The following PITPNA variants were observed in gnomAD, a reference collection of about 807,000 sequenced individuals.
PITPNA encodes the protein phosphatidylinositol transfer protein alpha isoform.
Under a neutral mutation model 50.3 loss-of-function variants are expected in PITPNA, and 13 were observed. The ratio of observed to expected loss-of-function variants is 0.26; its 90% CI spans 0.17 to 0.41. PITPNA has a LOEUF of 0.41. Among genes scored for constraint, PITPNA ranks in the 10% least tolerant of loss-of-function variants. The pLI, the probability that PITPNA is intolerant of heterozygous loss-of-function variation, is 1.00. For synonymous variants in PITPNA, 120 were observed against 119.6 expected (o/e 1.00, Z -0.02); for missense variants, 207 against 333.4 (o/e 0.62, Z 2.95).
chr17:1,531,447 G>A (rs2075582649), intron 10 of PITPNA, among the ~76,000 whole-genome samples: 1 of 152,048 alleles, frequency 6.6e-6, no homozygotes, highest in Admixed American at 6.6e-5. Context: ...GGAGAATGGC[G>A]TGAACCAGGG....
In PITPNA at chr17:1,547,862, T is replaced by C. The variant is rs534789962; in HGVS notation, c.289+434A>G. On this transcript the variant is annotated intron_variant, in intron 4 of 11. Transcript: ENST00000313486. ...ACAAAAAATTAGCCAGGCGTGGCGGTATGCGCCTGTAGTCCCAGCTACTCG... is the reference window on the plus strand; with the variant it reads ...ACAAAAAATTAGCCAGGCGTGGCGGCATGCGCCTGTAGTCCCAGCTACTCG... 1.7e-4 allele frequency among the ~76,000 whole-genome samples: 26 copies of C among 151,788 alleles called. No homozygotes were observed. In the East Asian group the frequency reaches 4.3e-3, roughly 25 times the overall value.
chr17:1,524,343 CTTTT>C (rs398041515), intron 10 of PITPNA, among the ~76,000 whole-genome samples: 15,925 of 120,860 alleles, frequency 0.13, 912 homozygotes, highest in Middle Eastern at 0.16. Flanking sequence ...CGCACCTGGC[CTTTT>C]TTTTTTTTTT....
At position 1,534,088 on chromosome 17, in the gene PITPNA, C is replaced by T. The variant is rs1291554387; in HGVS notation, c.768+11G>A. ...TTTATCTAATTGAGAGCCCCCAGAG[C>T]CCCCACTTACTTCATCCAGCTGTCT... On this transcript the variant is annotated intron_variant, in intron 10 of 11. Transcript: ENST00000313486. 3 of 1,613,528 alleles carry T rather than the reference C, an allele frequency of 1.9e-6. No individual in the cohort carries two copies. The African/African-American group carries it at 4.0e-5, about 22-fold the overall frequency.
chr17:1,553,200 T>C, intron 2 of PITPNA, 51 bp from the exon 3 acceptor site: 2 of 1,598,906 alleles, frequency 1.3e-6, no homozygotes, highest in Non-Finnish European at 1.7e-6. Flanking sequence ...TCTCAACGGT[T>C]ACACGTAATC....
At chr17:1,526,160 G>C (rs1417429250) in intron 10 of PITPNA, among the ~76,000 whole-genome samples, 2 of 152,220 alleles carry the variant, frequency 1.3e-5, no homozygotes, top group Non-Finnish European at 2.9e-5. Context: ...ACACAGAATA[G>C]GATAAAAAGA....
chr17:1,534,328 C>A (rs1161485472), intron 9 of PITPNA, 107 bp from the exon 10 acceptor site: 4 of 1,397,190 alleles, frequency 2.9e-6, no homozygotes, highest in African/African-American at 1.4e-5. Context: ...TGGGGACGGG[C>A]GGACAGGAGG....
intron 3 of PITPNA, among the ~76,000 whole-genome samples, chr17:1,550,402 G>A (rs1175410197): frequency 6.6e-6 from 1 of 152,246 alleles, no homozygotes; most frequent in Non-Finnish European, 1.5e-5. Context: ...AATGAGTGGG[G>A]CTAAGCTAAG....
In PITPNA at chr17:1,535,170, C is replaced by T. The variant is rs1351331510; in HGVS notation, c.645+12G>A. On this transcript the variant is annotated intron_variant, in intron 9 of 11. Coordinates refer to ENST00000313486, the MANE Select transcript of PITPNA (RefSeq NM_006224.4). ...ACGCAGTCACTGGGAAGGCCTCAGC[C>T]GAGCTACTTACCTTATGGATGAAGT... 8.4e-6 allele frequency: 13 copies of T among 1,554,908 alleles called. No homozygotes were observed. The highest frequency in any genetic ancestry group is 6.7e-5 in the East Asian group (3 of 44,652).
chr17:1,523,505 CTTTT>C (rs11401118), intron 10 of PITPNA, among the ~76,000 whole-genome samples: 8 of 117,398 alleles, frequency 6.8e-5, no homozygotes, highest in Admixed American at 1.8e-4. Context: ...CCACGCCTGG[CTTTT>C]TTTTTTTTTT....
chr17:1,548,667 CA>C (rs2075691618), intron 3 of PITPNA, among the ~76,000 whole-genome samples: 1 of 152,170 alleles, frequency 6.6e-6, no homozygotes, highest in African/African-American at 2.4e-5. Context: ...ATCAGCATTA[CA>C]CATTTTTCCA....
At chr17:1,544,599 A>G (rs1046181007) in intron 4 of PITPNA, among the ~76,000 whole-genome samples, 10 of 152,236 alleles carry the variant, frequency 6.6e-5, no homozygotes, top group African/African-American at 2.4e-4. Context: ...AATCTTTTGC[A>G]GTGGGAGAGC....
intron 10 of PITPNA, among the ~76,000 whole-genome samples, chr17:1,532,301 T>C (rs947525544): frequency 1.3e-5 from 2 of 151,998 alleles, no homozygotes; most frequent in African/African-American, 2.4e-5. Context: ...GTTGGCCAAG[T>C]TGGTCTCAGA....
intron 2 of PITPNA, among the ~76,000 whole-genome samples, chr17:1,556,915 GA>G (rs1302988707): frequency 2.0e-5 from 3 of 152,228 alleles, no homozygotes; most frequent in Admixed American, 2.0e-4. Context: ...ACAACAGAGT[GA>G]GACCCTATCT....
At chr17:1,544,462 C>T (rs4790589) in intron 4 of PITPNA, among the ~76,000 whole-genome samples, 48,624 of 151,970 alleles carry the variant, frequency 0.32, 7,988 homozygotes, top group East Asian at 0.53. Flanking sequence ...CCTTTTCATG[C>T]AAACTTGGGT....
At chr17:1,546,639 A>G (rs2075676093) in intron 4 of PITPNA, among the ~76,000 whole-genome samples, 1 of 152,040 alleles carries the variant, frequency 6.6e-6, no homozygotes, top group Non-Finnish European at 1.5e-5. Context: ...GGTGGGAGGA[A>G]AGGTCACCTA....
At chr17:1,539,765 C>G (rs1311109578) in intron 6 of PITPNA, among the ~76,000 whole-genome samples, 1 of 152,260 alleles carries the variant, frequency 6.6e-6, no homozygotes, top group Non-Finnish European at 1.5e-5. Flanking sequence ...GAGATGGAGT[C>G]TTGCTGCGAC....
chr17:1,551,573 G>C (rs562012638), intron 3 of PITPNA, among the ~76,000 whole-genome samples: 1 of 152,134 alleles, frequency 6.6e-6, no homozygotes, highest in Non-Finnish European at 1.5e-5. Flanking sequence ...GATTACAGGC[G>C]TGAGCCCCCG....
At chr17:1,547,049 C>A (rs770709544) in intron 4 of PITPNA, among the ~76,000 whole-genome samples, 25 of 152,052 alleles carry the variant, frequency 1.6e-4, no homozygotes, top group Non-Finnish European at 3.1e-4. Context: ...AAAATGTTAT[C>A]CATTCACTGA....
At chr17:1,552,385 G>A (rs2075714101) in intron 3 of PITPNA, among the ~76,000 whole-genome samples, 1 of 152,194 alleles carries the variant, frequency 6.6e-6, no homozygotes, top group South Asian at 2.1e-4. Context: ...CTCACAGTTT[G>A]CTGAAACATT....
Sources: gnomAD v4.1 joint callset for allele counts (sites outside exome capture counted in the v4.1 genomes callset) on GRCh38, gnomAD v4.1.1 for gene constraint, MANE v1.5 for transcripts, NCBI Gene and HGNC (gene_info 2026-07-23, HGNC 2026-07-21) for gene names.